MICU1: variants seen among roughly 807,000 people sequenced by gnomAD.
The protein encoded by MICU1 is mitochondrial calcium uptake 1.
MICU1 carries 45 observed loss-of-function variants against 56.8 expected under a neutral mutation model. The observed-to-expected ratio is 0.79, with a 90% confidence interval of 0.62 to 1.02. The LOEUF (loss-of-function observed/expected upper bound fraction) is 1.02, where lower values mean the gene tolerates loss of function less well. Ranked by LOEUF, MICU1 falls within the 50% of genes least tolerant of loss-of-function variation. The pLI, the probability that MICU1 is intolerant of heterozygous loss-of-function variation, is 0.00. For synonymous variants in MICU1, 186 were observed against 195.1 expected, an observed-to-expected ratio of 0.95 and a Z score of 0.39; for missense variants, 504 against 587.1, an observed-to-expected ratio of 0.86 and a Z score of 1.46.
At chr10:72,540,422 C>T (rs1349254827) in intron 4 of MICU1, among the ~76,000 whole-genome samples, 1 of 151,164 alleles carries the variant, frequency 6.6e-6, no homozygotes, top group East Asian at 2.0e-4. Flanking sequence ...ACTTATAATC[C>T]CAGCAGTTTG....
At chr10:72,556,839 T>A (rs1430483499) in intron 3 of MICU1, among the ~76,000 whole-genome samples, 1 of 151,782 alleles carries the variant, frequency 6.6e-6, no homozygotes, top group Non-Finnish European at 1.5e-5. Context: ...GCAAGGTAGG[T>A]GGATCACCTG....
At chr10:72,507,188 T>C (rs1322804969) in intron 6 of MICU1, among the ~76,000 whole-genome samples, 1 of 152,158 alleles carries the variant, frequency 6.6e-6, no homozygotes, top group East Asian at 1.9e-4. Flanking sequence ...TGCAAATCAC[T>C]TATTTCAAAC....
intron 6 of MICU1, among the ~76,000 whole-genome samples, chr10:72,479,355 A>G (rs1170244780): frequency 6.6e-6 from 1 of 152,212 alleles, no homozygotes; most frequent in East Asian, 1.9e-4. Flanking sequence ...CTAAGCAACA[A>G]AACATGACAC....
chr10:72,496,078 C>T (rs956144296), intron 6 of MICU1, among the ~76,000 whole-genome samples: 1 of 151,342 alleles, frequency 6.6e-6, no homozygotes, highest in Admixed American at 6.6e-5. Flanking sequence ...GCGATCCTCC[C>T]ACCTCAGCCT....
At chr10:72,561,663 T>C (rs1279716736) in intron 3 of MICU1, among the ~76,000 whole-genome samples, 1 of 152,210 alleles carries the variant, frequency 6.6e-6, no homozygotes, top group South Asian at 2.1e-4. Flanking sequence ...AATACAAAAA[T>C]TAGCGGGGCA....
chr10:72,386,245 G>T (rs1862883622), intron 10 of MICU1, among the ~76,000 whole-genome samples: 1 of 152,104 alleles, frequency 6.6e-6, no homozygotes, highest in Non-Finnish European at 1.5e-5. Flanking sequence ...ACAGTGGCGT[G>T]ATCTTGGCTC....
intron 5 of MICU1, among the ~76,000 whole-genome samples, chr10:72,516,403 T>C (rs996469038): frequency 3.9e-5 from 6 of 152,212 alleles, no homozygotes; most frequent in Admixed American, 3.9e-4. Flanking sequence ...ACTCTGATGA[T>C]AGTTTCTTTT....
At chr10:72,547,171 G>A (rs1335128111) in intron 4 of MICU1, among the ~76,000 whole-genome samples, 3 of 152,118 alleles carry the variant, frequency 2.0e-5, no homozygotes, top group African/African-American at 7.2e-5. Context: ...GGGATTACAG[G>A]TGTGAGCCAC....
chr10:72,448,195 T>TTA (rs1865181823), intron 8 of MICU1, among the ~76,000 whole-genome samples: 1 of 81,962 alleles, frequency 1.2e-5, no homozygotes, highest in Non-Finnish European at 2.1e-5. Flanking sequence ...ATATATATAT[T>TTA]TTTTTTTTTT....
intron 4 of MICU1, among the ~76,000 whole-genome samples, chr10:72,538,265 G>A (rs1839684680): frequency 6.6e-6 from 1 of 152,042 alleles, no homozygotes; most frequent in South Asian, 2.1e-4. Flanking sequence ...CAGGAGATCT[G>A]CAATGTATAT....
chr10:72,454,554 G>A (rs1589236449), intron 8 of MICU1, among the ~76,000 whole-genome samples: 4 of 151,884 alleles, frequency 2.6e-5, no homozygotes, highest in East Asian at 1.9e-4. Flanking sequence ...AGGCCAAGGC[G>A]GGTAGACCAC....
intron 6 of MICU1, among the ~76,000 whole-genome samples, chr10:72,502,196 C>T (rs1867098368): frequency 7.2e-6 from 1 of 138,248 alleles, no homozygotes; most frequent in South Asian, 2.3e-4. Context: ...GCTCTGTCTT[C>T]CAGGCTGGAG....
intron 6 of MICU1, among the ~76,000 whole-genome samples, chr10:72,507,547 A>G (rs1254567522): frequency 6.6e-6 from 1 of 152,252 alleles, no homozygotes; most frequent in Non-Finnish European, 1.5e-5. Flanking sequence ...TTGGAGAAGC[A>G]GTAAGTTAAT....
At chr10:72,578,028 G>A (rs1840794644) in intron 1 of MICU1, among the ~76,000 whole-genome samples, 1 of 152,062 alleles carries the variant, frequency 6.6e-6, no homozygotes, top group South Asian at 2.1e-4. Flanking sequence ...AAATTACCTG[G>A]GTAAAACACT....
At chr10:72,513,297 C>T (rs2132360498) in intron 5 of MICU1, among the ~76,000 whole-genome samples, 1 of 152,294 alleles carries the variant, frequency 6.6e-6, no homozygotes, top group South Asian at 2.1e-4. Context: ...TTACATTCCC[C>T]TAATACCTAA....
At chr10:72,533,672 T>C (rs1589316148) in intron 5 of MICU1, 74 bp downstream of exon 5, 1 of 1,140,732 alleles carries the variant, frequency 8.8e-7, no homozygotes, top group South Asian at 1.5e-5. Flanking sequence ...TTCTCAAACA[T>C]AACTATAGAG....
At chr10:72,393,438 T>C (rs1300495240) in intron 10 of MICU1, among the ~76,000 whole-genome samples, 1 of 152,162 alleles carries the variant, frequency 6.6e-6, no homozygotes, top group Non-Finnish European at 1.5e-5. Context: ...GCAAGAGCGC[T>C]TGAGGTAGAA....
chr10:72,451,439 A>C (rs895884837), intron 8 of MICU1, among the ~76,000 whole-genome samples: 1 of 152,218 alleles, frequency 6.6e-6, no homozygotes, highest in South Asian at 2.1e-4. Context: ...GCAACTATTA[A>C]AGAAGCTGTT....
At chr10:72,484,848 T>C (rs1866414917) in intron 6 of MICU1, among the ~76,000 whole-genome samples, 1 of 152,174 alleles carries the variant, frequency 6.6e-6, no homozygotes, top group South Asian at 2.1e-4. Context: ...GACTTTGAAA[T>C]TGTATAATCC....
Sources: gnomAD v4.1 joint callset for allele counts (sites outside exome capture counted in the v4.1 genomes callset) on GRCh38, gnomAD v4.1.1 for gene constraint, MANE v1.5 for transcripts, NCBI Gene and HGNC (gene_info 2026-07-23, HGNC 2026-07-21) for gene names.